The following ACTN4 variants were observed in gnomAD, a reference collection of about 807,000 sequenced individuals.
ACTN4 encodes the protein alpha-actinin-4.
A neutral mutation model predicts 114.2 loss-of-function variants in ACTN4; 18 were observed. The observed-to-expected ratio is 0.16, with a 90% CI of 0.11 to 0.23. The LOEUF is 0.23. Among genes scored for constraint, ACTN4 ranks in the 10% least tolerant of loss-of-function variants. ACTN4 has a pLI of 1.00. For synonymous variants in ACTN4, 515 were observed against 506.3 expected (o/e 1.02, Z -0.23); for missense variants, 722 against 1,262.9 (o/e 0.57, Z 6.49).
chr19:38,677,090 C>T (rs1016721251), intron 1 of ACTN4, among the ~76,000 whole-genome samples: 1 of 152,152 alleles, frequency 6.6e-6, no homozygotes, highest in Non-Finnish European at 1.5e-5. Flanking sequence ...CCCCTTTCGC[C>T]TCAGCTCGCC....
rs893018917 is a variant in ACTN4, at chr19:38,730,564, G to GTGTC, written c.*1137_*1140dup. On this transcript the variant is annotated 3_prime_UTR_variant, in exon 21 of 21. Coordinates refer to ENST00000252699, the MANE Select transcript of ACTN4 (RefSeq NM_004924.6). ...AGCATCATCTTTTTTTATTTCTCCT[G>GTGTC]TGTCTGTCCTCCACCTTCTAGGAGA... 4 of 517,146 alleles carry GTGTC rather than the reference G, an allele frequency of 7.7e-6. No individual in the cohort carries two copies. Among genetic ancestry groups the GTGTC allele is most frequent in the Non-Finnish European group, 1.4e-5 (4 of 289,336 alleles). 32.0% of individuals were successfully genotyped at this position (517,146 alleles called of 1,614,324 possible).
At chr19:38,673,404 G>C (rs1324858659) in intron 1 of ACTN4, among the ~76,000 whole-genome samples, 1 of 135,872 alleles carries the variant, frequency 7.4e-6, no homozygotes. Context: ...GAAAACCCAA[G>C]ACATACATAG....
chr19:38,712,041 A>C (rs900594079), intron 8 of ACTN4, among the ~76,000 whole-genome samples: 1 of 152,206 alleles, frequency 6.6e-6, no homozygotes, highest in African/African-American at 2.4e-5. Flanking sequence ...TTGAAGTGTC[A>C]GCAGTTGGCA....
intron 1 of ACTN4, among the ~76,000 whole-genome samples, chr19:38,687,239 C>T (rs1967776797): frequency 6.6e-6 from 1 of 152,168 alleles, no homozygotes; most frequent in South Asian, 2.1e-4. Context: ...CCCCAAAGTG[C>T]TGGGATTACA....
chr19:38,706,799 C>T (rs1968474040), intron 5 of ACTN4, among the ~76,000 whole-genome samples: 1 of 152,230 alleles, frequency 6.6e-6, no homozygotes, highest in Non-Finnish European at 1.5e-5. Context: ...GAAAAATGTA[C>T]TCTGTGGCTG....
intron 1 of ACTN4, among the ~76,000 whole-genome samples, chr19:38,693,767 A>AT (rs1968005008): frequency 6.6e-6 from 1 of 152,094 alleles, no homozygotes; most frequent in African/African-American, 2.4e-5. Context: ...ATGACCAGAG[A>AT]TGCTAGGTCT....
intron 1 of ACTN4, among the ~76,000 whole-genome samples, chr19:38,698,591 G>A (rs546687000): frequency 2.0e-5 from 3 of 152,346 alleles, no homozygotes; most frequent in African/African-American, 4.8e-5. Flanking sequence ...GCCATGGTGC[G>A]GGTACCCTCC....
At chr19:38,705,970 G>A in intron 4 of ACTN4, 74 bp from the exon 5 acceptor site, 7 of 1,514,018 alleles carry the variant, frequency 4.6e-6, no homozygotes, top group Non-Finnish European at 4.6e-6. Flanking sequence ...TGAGCCGAAA[G>A]TCCCATCCAA....
At chr19:38,676,561 C>G (rs1967381859) in intron 1 of ACTN4, among the ~76,000 whole-genome samples, 1 of 152,228 alleles carries the variant, frequency 6.6e-6, no homozygotes. Flanking sequence ...TCCTGCAGAA[C>G]ACCACATGTG....
chr19:38,670,619 G>A (rs1165207904), intron 1 of ACTN4, among the ~76,000 whole-genome samples: 1 of 151,992 alleles, frequency 6.6e-6, no homozygotes. Flanking sequence ...GTTTTATGGG[G>A]CATTTCATTC....
chr19:38,668,855 G>A (rs1317643366), intron 1 of ACTN4, among the ~76,000 whole-genome samples: 3 of 152,108 alleles, frequency 2.0e-5, no homozygotes, highest in Non-Finnish European at 2.9e-5. Flanking sequence ...TTTTTCCAAT[G>A]TGCTCTGTGT....
At chr19:38,686,471 G>A (rs888412576) in intron 1 of ACTN4, among the ~76,000 whole-genome samples, 1 of 151,982 alleles carries the variant, frequency 6.6e-6, no homozygotes, top group Non-Finnish European at 1.5e-5. Context: ...AGGGCCCCGT[G>A]TGCCTGATCA....
intron 5 of ACTN4, among the ~76,000 whole-genome samples, chr19:38,707,042 C>T (rs1305680212): frequency 1.3e-5 from 2 of 152,156 alleles, no homozygotes; most frequent in East Asian, 3.9e-4. Context: ...CCTGGATGGC[C>T]CGCACAGGAA....
chr19:38,686,870 C>A (rs1459097017), intron 1 of ACTN4, among the ~76,000 whole-genome samples: 1 of 152,120 alleles, frequency 6.6e-6, no homozygotes, highest in Non-Finnish European at 1.5e-5. Flanking sequence ...CAGATGGGAG[C>A]AGCTCCTACC....
intron 1 of ACTN4, among the ~76,000 whole-genome samples, chr19:38,660,606 G>A (rs1441622266): frequency 6.6e-6 from 1 of 152,040 alleles, no homozygotes; most frequent in African/African-American, 2.4e-5. Flanking sequence ...TTGTTGGTCA[G>A]GCTGGCCTTG....
intron 12 of ACTN4, among the ~76,000 whole-genome samples, chr19:38,723,139 G>A (rs1370286208): frequency 6.6e-6 from 1 of 152,234 alleles, no homozygotes; most frequent in East Asian, 1.9e-4. Flanking sequence ...CACACAGCAA[G>A]GGAGTGGTTG....
At chr19:38,715,464 TCTAGC>T (rs1377128415) in intron 9 of ACTN4, among the ~76,000 whole-genome samples, 2 of 152,170 alleles carry the variant, frequency 1.3e-5, no homozygotes, top group African/African-American at 4.8e-5. Flanking sequence ...GCCACTGTAC[TCTAGC>T]CTAGCGACAG....
chr19:38,695,807 TTC>T (rs1268247373), intron 1 of ACTN4, among the ~76,000 whole-genome samples: 2 of 152,090 alleles, frequency 1.3e-5, no homozygotes, highest in Admixed American at 6.5e-5. Flanking sequence ...AAGGACACCT[TTC>T]TGTGTCTGCC....
At position 38,727,017 on chromosome 19, in the gene ACTN4, G is replaced by A. The variant is rs1568749451; in HGVS notation, c.2251G>A (p.Glu751Lys). The change falls in exon 18 of 21, where the codon GAG (glutamate) becomes AAG (lysine). Residue 751 changes from glutamate (E) to lysine (K), a missense_variant. Coordinates refer to ENST00000252699, the MANE Select transcript of ACTN4 (RefSeq NM_004924.6). The surrounding 1 kb of genome is among the most constrained non-coding windows in gnomAD (Gnocchi z 5.4). Reference sequence around the variant, plus strand: ...CATTGCCCGCACCATCAACGAGGTGGAGAACCAGATCCTCACCCGCGACGC... The same window carrying A: ...CATTGCCCGCACCATCAACGAGGTGAAGAACCAGATCCTCACCCGCGACGC... ...TTIARTINEV[E>K]NQILTRDAKG... is the part of the protein sequence containing the mutation. 2.5e-6 allele frequency: 4 copies of A among 1,614,148 alleles called. No individual in the cohort carries two copies. Among genetic ancestry groups the A allele is most frequent in the Non-Finnish European group, 2.5e-6 (3 of 1,180,038 alleles).
Sources: allele counts gnomAD v4.1 joint callset (sites outside exome capture counted in the v4.1 genomes callset), GRCh38; gene constraint gnomAD v4.1.1; non-coding constraint Gnocchi (gnomAD v3.1); transcripts MANE v1.5; gene names NCBI Gene and HGNC (gene_info 2026-07-23, HGNC 2026-07-21).